Variants in IL1RAPL1 observed in about 807,000 individuals in gnomAD.
IL1RAPL1 encodes interleukin-1 receptor accessory protein-like 1.
IL1RAPL1 carries 3 observed loss-of-function variants against 48.4 expected under a neutral mutation model. The ratio of observed to expected loss-of-function variants is 0.06; its 90% CI spans 0.03 to 0.16. The LOEUF is 0.16. Ranked by LOEUF, IL1RAPL1 falls within the 10% of genes least tolerant of loss-of-function variation. The pLI is 1.00. For missense variants in IL1RAPL1, 349 were observed against 530.6 expected, an observed-to-expected ratio of 0.66 and a Z score of 3.36; for synonymous variants, 185 against 187.7, an observed-to-expected ratio of 0.99 and a Z score of 0.12.
Position 28,933,480 on chromosome X carries a change from A to C in IL1RAPL1, c.82+144055A>C, listed in dbSNP as rs182297144. 1.1e-3 allele frequency among the ~76,000 whole-genome samples: 124 copies of C among 111,868 alleles called. 1 individual carries two copies. The highest frequency in any genetic ancestry group is 3.9e-3 in the African/African-American group (120 of 30,801). On this transcript the variant is annotated intron_variant, in intron 2 of 10. Coordinates refer to ENST00000378993, the MANE Select transcript of IL1RAPL1 (RefSeq NM_014271.4). ...TATGTCAGTAGTTTTATTTTTGTCC[A>C]TCATTCAAATAGAGTTCCACAGTAA... is the stretch of plus-strand genomic sequence containing the variant.
chrX:29,354,520 G>A (rs1303414091), intron 3 of IL1RAPL1, among the ~76,000 whole-genome samples: 2 of 111,950 alleles, frequency 1.8e-5, no homozygotes, highest in Non-Finnish European at 3.8e-5. Context: ...ATGCTACACT[G>A]TAGAGTACAT....
In IL1RAPL1 at chrX:28,881,296, G is replaced by A. The variant is rs746482776; in HGVS notation, c.82+91871G>A. Among the ~76,000 whole-genome samples, 6 of 112,406 alleles carry A rather than the reference G, an allele frequency of 5.3e-5. No individual in the cohort carries two copies. The East Asian group carries it at 1.7e-3, about 31-fold the overall frequency. On this transcript the variant is annotated intron_variant, in intron 2 of 10. Coordinates refer to ENST00000378993, the MANE Select transcript of IL1RAPL1 (RefSeq NM_014271.4). ...GAAATGTTGGGAATTTGGTTTTATG[G>A]TCTGACCATTTGGTGAAGTTATTGC...
At chrX:29,524,694 A>G (rs1427093405) in intron 5 of IL1RAPL1, among the ~76,000 whole-genome samples, 5 of 112,228 alleles carry the variant, frequency 4.5e-5, no homozygotes, top group East Asian at 2.8e-4. Flanking sequence ...CTTCAAAAAC[A>G]TATATTAATA....
At chrX:28,909,763 G>A (rs375210008) in intron 2 of IL1RAPL1, among the ~76,000 whole-genome samples, 1 of 110,851 alleles carries the variant, frequency 9.0e-6, no homozygotes, top group East Asian at 2.8e-4. Context: ...TTTGTTTTGA[G>A]CAAAACTTTT....
chrX:29,140,572 C>T (rs5985961), intron 2 of IL1RAPL1, among the ~76,000 whole-genome samples: 32,786 of 111,059 alleles, frequency 0.3, 4,598 homozygotes, highest in African/African-American at 0.55. Flanking sequence ...ACCTAGAAAC[C>T]TTAGGATAGT....
At chrX:29,165,707 T>A (rs747289998) in intron 2 of IL1RAPL1, among the ~76,000 whole-genome samples, 1 of 111,994 alleles carries the variant, frequency 8.9e-6, no homozygotes, top group Non-Finnish European at 1.9e-5. Context: ...CAGTGATTTC[T>A]CTTACGCTGT....
At chrX:28,681,165 T>G (rs1011136238) in intron 1 of IL1RAPL1, among the ~76,000 whole-genome samples, 3 of 111,137 alleles carry the variant, frequency 2.7e-5, no homozygotes, top group Non-Finnish European at 5.7e-5. Context: ...ATTCAAGAAT[T>G]TATTTATGTT....
intron 1 of IL1RAPL1, among the ~76,000 whole-genome samples, chrX:28,615,217 T>G (rs1444920964): frequency 4.3e-5 from 4 of 92,055 alleles, no homozygotes; most frequent in African/African-American, 1.3e-4. Context: ...TTTTTTTTTT[T>G]TTTTTTTTTT....
chrX:29,332,199 C>T (rs772496835), intron 3 of IL1RAPL1, among the ~76,000 whole-genome samples: 113 of 68,635 alleles, frequency 1.6e-3, no homozygotes, highest in African/African-American at 5.9e-3. Flanking sequence ...TGAGAGAAGA[C>T]TCTTCTCTCT....
intron 5 of IL1RAPL1, among the ~76,000 whole-genome samples, chrX:29,539,505 G>A (rs1375564337): frequency 9.0e-6 from 1 of 111,088 alleles, no homozygotes; most frequent in African/African-American, 3.3e-5. Context: ...TTGGATCTAT[G>A]TCCCCACCCA....
intron 2 of IL1RAPL1, among the ~76,000 whole-genome samples, chrX:28,832,108 ATTCAAAATCTTTC>A (rs2147287000): frequency 9.0e-6 from 1 of 111,508 alleles, no homozygotes; most frequent in South Asian, 3.7e-4. Flanking sequence ...TGTTAGGAGC[ATTCAAAATCTTTC>A]TTCTAGCCAT....
chrX:29,855,348 A>T (rs934994017), intron 6 of IL1RAPL1, among the ~76,000 whole-genome samples: 1 of 112,340 alleles, frequency 8.9e-6, no homozygotes, highest in African/African-American at 3.2e-5. Context: ...GTACGCTCAT[A>T]TGCGCATGCG....
At chrX:28,825,542 CAT>C (rs959931334) in intron 2 of IL1RAPL1, among the ~76,000 whole-genome samples, 4 of 111,114 alleles carry the variant, frequency 3.6e-5, no homozygotes, top group Non-Finnish European at 7.6e-5. Context: ...CATAATTGCC[CAT>C]GTCATTAATT....
At chrX:28,921,464 C>T (rs180726889) in intron 2 of IL1RAPL1, among the ~76,000 whole-genome samples, 2 of 111,590 alleles carry the variant, frequency 1.8e-5, no homozygotes, top group Non-Finnish European at 3.8e-5. Flanking sequence ...GTTATATGCC[C>T]TTCTGGTGGA....
At chrX:29,561,197 C>T (rs1922183378) in intron 5 of IL1RAPL1, among the ~76,000 whole-genome samples, 1 of 112,294 alleles carries the variant, frequency 8.9e-6, no homozygotes, top group South Asian at 3.7e-4. Context: ...TAGGGCATTG[C>T]CCTGAAGTAC....
intron 9 of IL1RAPL1, among the ~76,000 whole-genome samples, chrX:29,949,940 G>A (rs1048042113): frequency 3.6e-5 from 4 of 111,664 alleles, no homozygotes; most frequent in South Asian, 3.7e-4. Context: ...CTCTGCTTCC[G>A]GTCTGACAAC....
chrX:29,591,805 A>G lies in IL1RAPL1; in HGVS notation c.704-76625A>G, dbSNP rs1322619547. Among the ~76,000 whole-genome samples, 5 of 112,816 alleles carry G rather than the reference A, an allele frequency of 4.4e-5. No individual in the cohort carries two copies. The Admixed American group carries it at 4.7e-4, about 11-fold the overall frequency. ...TCAATCTTTGGGAAAACACAGAGCT[A>G]GATGGATTCTTATTACTGCCATTTC... On this transcript the variant is annotated intron_variant, in intron 5 of 10. Coordinates refer to ENST00000378993, the MANE Select transcript of IL1RAPL1 (RefSeq NM_014271.4).
At chrX:28,705,822 A>G (rs1569155289) in intron 1 of IL1RAPL1, among the ~76,000 whole-genome samples, 1 of 112,337 alleles carries the variant, frequency 8.9e-6, no homozygotes, top group South Asian at 3.7e-4. Context: ...GGCATGCTGT[A>G]TATCAGAATT....
At chrX:29,377,631 A>C (rs1266952769) in intron 3 of IL1RAPL1, among the ~76,000 whole-genome samples, 2 of 112,249 alleles carry the variant, frequency 1.8e-5, no homozygotes, top group Non-Finnish European at 3.8e-5. Context: ...TAATTTGGTA[A>C]GATATAAAAT....
Sources: allele counts gnomAD v4.1 joint callset (sites outside exome capture counted in the v4.1 genomes callset), GRCh38; gene constraint gnomAD v4.1.1; transcripts MANE v1.5; gene names NCBI Gene and HGNC (gene_info 2026-07-23, HGNC 2026-07-21).